The following ZNF423 variants were observed in gnomAD, a reference collection of about 807,000 sequenced individuals.
ZNF423 encodes the protein zinc finger protein 423.
ZNF423 carries 12 observed loss-of-function variants against 95.8 expected under a neutral mutation model. The observed-to-expected ratio is 0.13, with a 90% confidence interval of 0.08 to 0.20. ZNF423 has a LOEUF of 0.20. Ranked by LOEUF, ZNF423 falls within the 10% of genes least tolerant of loss-of-function variation. ZNF423 has a pLI of 1.00. For synonymous variants in ZNF423, 749 were observed against 711.9 expected, an observed-to-expected ratio of 1.05 and a Z score of -0.83; for missense variants, 1,316 against 1,737.1, an observed-to-expected ratio of 0.76 and a Z score of 4.31.
intron 2 of ZNF423, among the ~76,000 whole-genome samples, chr16:49,770,498 T>C (rs2143704225): frequency 6.6e-6 from 1 of 152,082 alleles, no homozygotes; most frequent in Middle Eastern, 3.4e-3. Flanking sequence ...TATGAATGGC[T>C]GAGGAAAAGG....
intron 3 of ZNF423, among the ~76,000 whole-genome samples, chr16:49,668,748 C>T (rs1399832526): frequency 1.3e-5 from 2 of 152,166 alleles, no homozygotes; most frequent in East Asian, 3.9e-4. Context: ...GCCCCACCCC[C>T]AGTAAGCACC....
chr16:49,561,341 C>G (rs897349781), intron 5 of ZNF423, among the ~76,000 whole-genome samples: 1 of 152,120 alleles, frequency 6.6e-6, no homozygotes, highest in African/African-American at 2.4e-5. Flanking sequence ...GTAACTACAT[C>G]TACTTTACTG....
chr16:49,651,331 A>G (rs1474992406), intron 3 of ZNF423, among the ~76,000 whole-genome samples: 5 of 151,888 alleles, frequency 3.3e-5, no homozygotes, highest in Non-Finnish European at 5.9e-5. Flanking sequence ...TGGCCCACTT[A>G]CGGTTTTTCT....
chr16:49,536,661 C>A (rs1195569549), intron 5 of ZNF423, among the ~76,000 whole-genome samples: 1 of 152,072 alleles, frequency 6.6e-6, no homozygotes, highest in Non-Finnish European at 1.5e-5. Context: ...GTCTCACACT[C>A]CTGGCCTCAA....
At chr16:49,510,864 G>A (rs558811576) in intron 7 of ZNF423, among the ~76,000 whole-genome samples, 10 of 152,352 alleles carry the variant, frequency 6.6e-5, no homozygotes, top group Non-Finnish European at 8.8e-5. Flanking sequence ...ACACACAATG[G>A]CCACCGGCCT....
chr16:49,537,941 T>C (rs939836932), intron 5 of ZNF423, among the ~76,000 whole-genome samples: 2 of 152,164 alleles, frequency 1.3e-5, no homozygotes, highest in Non-Finnish European at 2.9e-5. Context: ...GTCTGCCACC[T>C]CTGGGCGGCT....
At chr16:49,757,974 C>A (rs1160780573) in intron 2 of ZNF423, among the ~76,000 whole-genome samples, 1 of 152,172 alleles carries the variant, frequency 6.6e-6, no homozygotes. Flanking sequence ...TACCTCCTCC[C>A]CAGGTGACTG....
At chr16:49,569,198 C>A (rs1970286492) in intron 5 of ZNF423, among the ~76,000 whole-genome samples, 3 of 152,196 alleles carry the variant, frequency 2.0e-5, no homozygotes, top group Non-Finnish European at 4.4e-5. Context: ...TCCTTCTAAC[C>A]AGTTTCCCCC....
chr16:49,612,580 G>T (rs114144557), intron 5 of ZNF423, among the ~76,000 whole-genome samples: 1 of 151,966 alleles, frequency 6.6e-6, no homozygotes, highest in Non-Finnish European at 1.5e-5. Flanking sequence ...TTACTTAATC[G>T]TAGAAGACTG....
chr16:49,580,624 C>A (rs1245898127), intron 5 of ZNF423, among the ~76,000 whole-genome samples: 1 of 152,174 alleles, frequency 6.6e-6, no homozygotes, highest in Non-Finnish European at 1.5e-5. Flanking sequence ...AATATTCTTC[C>A]AACCTGTGAT....
intron 7 of ZNF423, among the ~76,000 whole-genome samples, chr16:49,510,765 C>T (rs991473644): frequency 5.3e-5 from 8 of 152,110 alleles, no homozygotes; most frequent in African/African-American, 1.9e-4. Flanking sequence ...GGTGAGGCGC[C>T]GCCACTCGCA....
intron 3 of ZNF423, among the ~76,000 whole-genome samples, chr16:49,721,808 T>C (rs2032873808): frequency 6.6e-6 from 1 of 152,050 alleles, no homozygotes; most frequent in Non-Finnish European, 1.5e-5. Flanking sequence ...GAAAGACACA[T>C]AGACTGTAGA....
chr16:49,567,374 T>G (rs953869339), intron 5 of ZNF423, among the ~76,000 whole-genome samples: 2 of 152,258 alleles, frequency 1.3e-5, no homozygotes, highest in African/African-American at 4.8e-5. Context: ...GCTCCCATGA[T>G]GCTGACGCAC....
chr16:49,770,174 G>A (rs2034007064), intron 2 of ZNF423, among the ~76,000 whole-genome samples: 1 of 149,014 alleles, frequency 6.7e-6, no homozygotes, highest in Non-Finnish European at 1.5e-5. Flanking sequence ...AATAATATCT[G>A]TGACTGAAAG....
chr16:49,698,392 A>C (rs1451322175), intron 3 of ZNF423, among the ~76,000 whole-genome samples: 2 of 152,154 alleles, frequency 1.3e-5, no homozygotes, highest in African/African-American at 4.8e-5. Context: ...AGAAAACACA[A>C]GGCTGTGCTG....
chr16:49,771,862 A>G (rs2034041174), intron 2 of ZNF423, among the ~76,000 whole-genome samples: 1 of 152,160 alleles, frequency 6.6e-6, no homozygotes, highest in Non-Finnish European at 1.5e-5. Flanking sequence ...TTCAGCTCCC[A>G]CATACCCTCA....
chr16:49,662,493 T>G (rs1428810274), intron 3 of ZNF423, among the ~76,000 whole-genome samples: 1 of 152,212 alleles, frequency 6.6e-6, no homozygotes, highest in Non-Finnish European at 1.5e-5. Context: ...ATTCCTTCTA[T>G]AAATACGAAT....
intron 3 of ZNF423, among the ~76,000 whole-genome samples, chr16:49,695,206 C>T (rs949689613): frequency 2.0e-5 from 3 of 152,244 alleles, no homozygotes; most frequent in Non-Finnish European, 2.9e-5. Context: ...CTCTGCCTCA[C>T]GGGTTCAAGT....
chr16:49,712,932 T>C lies in ZNF423; in HGVS notation c.301+17839A>G, dbSNP rs985952736. Among the ~76,000 whole-genome samples the C allele has an allele frequency of 2.6e-5, 4 of 152,232 alleles. No homozygotes were observed. In the East Asian group the frequency reaches 5.8e-4, roughly 22 times the overall value. On this transcript the variant is annotated intron_variant, in intron 3 of 7. Coordinates refer to ENST00000563137, the MANE Select transcript of ZNF423 (RefSeq NM_001379286.1). ...GGTGACAGCCACAGAATGCCTTCCA[T>C]TGCCAATTTCTCCAGGAGTTAAGCA... is the stretch of plus-strand genomic sequence containing the variant.
Sources: allele counts gnomAD v4.1 joint callset (sites outside exome capture counted in the v4.1 genomes callset), GRCh38; gene constraint gnomAD v4.1.1; transcripts MANE v1.5; gene names NCBI Gene and HGNC (gene_info 2026-07-23, HGNC 2026-07-21).